MTCL1: variants seen among roughly 807,000 people sequenced by gnomAD.
MTCL1 encodes the protein microtubule cross-linking factor 1.
In MTCL1, 79 loss-of-function variants were observed where a neutral mutation model predicts 141.4. That is an observed-to-expected ratio of 0.56 (90% CI 0.47 to 0.67). MTCL1 has a LOEUF of 0.67. Ranked by LOEUF, MTCL1 falls within the 30% of genes least tolerant of loss-of-function variation. The pLI, the probability that MTCL1 is intolerant of heterozygous loss-of-function variation, is 0.00. For missense variants in MTCL1, 2,177 were observed against 2,113.9 expected (o/e 1.03, Z -0.59); for synonymous variants, 914 against 875.8 (o/e 1.04, Z -0.77).
At chr18:8,781,492 T>C (rs1026160751) in intron 5 of MTCL1, among the ~76,000 whole-genome samples, 58 of 152,196 alleles carry the variant, frequency 3.8e-4, no homozygotes, top group African/African-American at 1.4e-3. Context: ...CATTTATATG[T>C]TATTCTCCTA....
intron 4 of MTCL1, among the ~76,000 whole-genome samples, chr18:8,761,827 C>G (rs146768696): frequency 6.6e-6 from 1 of 152,282 alleles, no homozygotes. Context: ...AGACCTGCCC[C>G]CATGATTCAA....
chr18:8,813,809 G>C (rs1598776586), intron 12 of MTCL1, among the ~76,000 whole-genome samples: 1 of 152,156 alleles, frequency 6.6e-6, no homozygotes, highest in East Asian at 1.9e-4. Flanking sequence ...AAACAATTCA[G>C]AAACTCAGAT....
At position 8,786,300 on chromosome 18, in the gene MTCL1, G is replaced by A. The variant is rs192438330; in HGVS notation, c.1887+209G>A. ...GTGCCTGCGGTGAACTGCTGTGCTC[G>A]TCAGACAGAGGGACAGCTCACTGTA... is the stretch of plus-strand genomic sequence containing the variant. On this transcript the variant is annotated intron_variant, in intron 7 of 16. Coordinates refer to ENST00000359865, the Ensembl canonical transcript of MTCL1. 1,528 of 710,718 alleles carry A rather than the reference G, an allele frequency of 2.1e-3. 10 individuals carry two copies. The highest frequency in any genetic ancestry group is 0.016 in the Middle Eastern group (70 of 4,356). The allele number at this position is 710,718 out of a possible 1,614,324, so 44.0% of individuals were successfully genotyped here.
Position 8,825,463 on chromosome 18 carries a change from G to A in MTCL1, c.3953G>A (p.Gly1318Glu), listed in dbSNP as rs200248938. Reference sequence around the variant, plus strand: ...CAGACCAATGGGTCCCGGACGATGGGGACCCAGACTGTTCAGACCATCAGT... The same window carrying A: ...CAGACCAATGGGTCCCGGACGATGGAGACCCAGACTGTTCAGACCATCAGT... The change falls in exon 15 of 17, where the codon GGG becomes GAG. Residue 1318 changes from glycine (G) to glutamate (E), a missense_variant. Coordinates refer to ENST00000359865, the Ensembl canonical transcript of MTCL1. 2.6e-5 allele frequency: 41 copies of A among 1,600,482 alleles called. No individual in the cohort carries two copies. Among genetic ancestry groups the A allele is most frequent in the Non-Finnish European group, 3.3e-5 (39 of 1,169,930 alleles).
In MTCL1 at chr18:8,705,979, G is replaced by A. The variant is rs992644522; in HGVS notation, c.319G>A (p.Ala107Thr). Residue 107 changes from alanine (A) to threonine (T), a missense_variant, in exon 1 of 14, where the codon GCG becomes ACG. Ala to Thr is a moderately conservative substitution (Grantham distance 58). Coordinates refer to the MTCL1 transcript ENST00000306329. The surrounding 1 kb of genome is among the most constrained non-coding windows in gnomAD (Gnocchi z 5.2). ...TCGGCGCAGTGGCGGCGTCCCGGGC[G>A]CGAAGGACAAGCCCCCGCCGGGCGC... 94 of 1,137,516 alleles carry A rather than the reference G, an allele frequency of 8.3e-5. No homozygotes were observed. Among genetic ancestry groups the A allele is most frequent in the Non-Finnish European group, 2.5e-5 (23 of 929,340 alleles). 70.5% of individuals were successfully genotyped at this position (1,137,516 alleles called of 1,614,324 possible).
At chr18:8,722,763 A>G (rs1313916862) in intron 4 of MTCL1, among the ~76,000 whole-genome samples, 1 of 152,192 alleles carries the variant, frequency 6.6e-6, no homozygotes, top group Admixed American at 6.5e-5. Context: ...CACAGTTCAA[A>G]AGTATGTTGT....
intron 1 of MTCL1, among the ~76,000 whole-genome samples, chr18:8,711,525 A>G (rs1447010026): frequency 2.8e-5 from 4 of 143,680 alleles, no homozygotes; most frequent in South Asian, 4.7e-4. Context: ...AAGTGTTCCT[A>G]TTTCTCCACA....
intron 12 of MTCL1, among the ~76,000 whole-genome samples, chr18:8,814,964 A>G (rs756271524): frequency 1.1e-4 from 16 of 152,244 alleles, no homozygotes; most frequent in Non-Finnish European, 1.9e-4. Flanking sequence ...AGTGACTTAC[A>G]GGAAACAACA....
intron 16 of MTCL1, 39 bp from the exon 15 acceptor site, chr18:8,831,568 C>T (rs1034387711): frequency 5.8e-6 from 9 of 1,541,614 alleles, no homozygotes; most frequent in African/African-American, 1.4e-5. Context: ...GTGACACTGC[C>T]GGTCTGAGTA....
At chr18:8,802,776 C>T (rs1477276573) in intron 10 of MTCL1, among the ~76,000 whole-genome samples, 1 of 152,170 alleles carries the variant, frequency 6.6e-6, no homozygotes, top group Admixed American at 6.5e-5. Flanking sequence ...TTTTATCCTG[C>T]TGCTTTGCTA....
chr18:8,814,489 T>C (rs2076587124), intron 12 of MTCL1, among the ~76,000 whole-genome samples: 1 of 152,248 alleles, frequency 6.6e-6, no homozygotes, highest in African/African-American at 2.4e-5. Context: ...CCTTTCTGGC[T>C]TGGAAATGCA....
At chr18:8,767,938 A>C (rs944262043) in intron 4 of MTCL1, among the ~76,000 whole-genome samples, 1 of 152,218 alleles carries the variant, frequency 6.6e-6, no homozygotes, top group African/African-American at 2.4e-5. Flanking sequence ...TTAAGTATAT[A>C]TTTTTAATCC....
At chr18:8,729,616 G>C (rs944606341) in intron 4 of MTCL1, among the ~76,000 whole-genome samples, 2 of 120,082 alleles carry the variant, frequency 1.7e-5, no homozygotes, top group African/African-American at 3.2e-5. Context: ...TGTTGCTCAG[G>C]CTGTCTCAAA....
chr18:8,831,760 C>T, exon 17 of MTCL1: 2 of 1,550,418 alleles, frequency 1.3e-6, no homozygotes. Context: ...CTTGGAGGAG[C>T]ATGGTGGCGA....
chr18:8,819,370 A>G, intron 13 of MTCL1, 111 bp downstream of exon 12: 2 of 1,113,940 alleles, frequency 1.8e-6, no homozygotes, highest in South Asian at 1.5e-5. Context: ...GCACTTTTGC[A>G]TACAGCAACC....
intron 7 of MTCL1, among the ~76,000 whole-genome samples, chr18:8,792,218 T>C (rs976224987): frequency 2.0e-5 from 3 of 152,382 alleles, no homozygotes; most frequent in Admixed American, 6.5e-5. Flanking sequence ...TACATTTCGA[T>C]GATGCCTGAG....
At chr18:8,807,910 G>A (rs690266) in intron 11 of MTCL1, among the ~76,000 whole-genome samples, 65,633 of 151,400 alleles carry the variant, frequency 0.43, 16,048 homozygotes, top group African/African-American at 0.67. Flanking sequence ...GTAAAATTTT[G>A]TAGGGATTGG....
rs2077171865 is a variant in MTCL1 at position 8,830,825 on chromosome 18, C to T, written c.*19-782C>T. 1 of 985,278 alleles carries T rather than the reference C, an allele frequency of 1.0e-6. No individual in the cohort carries two copies. The allele number at this position is 985,278 out of a possible 1,614,324, so 61.0% of individuals were successfully genotyped here. Reference sequence around the variant, plus strand: ...TTTTGTAACATGTAAGGACAAGGAGCTCAACATTCTTTAAAAACAAAGTAG... The same window carrying T: ...TTTTGTAACATGTAAGGACAAGGAGTTCAACATTCTTTAAAAACAAAGTAG... On this transcript the variant is annotated intron_variant, in intron 16 of 16. Transcript: ENST00000359865. The surrounding 1 kb of genome is among the most constrained non-coding windows in gnomAD (Gnocchi z 6.4).
intron 4 of MTCL1, among the ~76,000 whole-genome samples, chr18:8,742,366 G>A (rs1395576116): frequency 6.6e-6 from 1 of 152,134 alleles, no homozygotes; most frequent in African/African-American, 2.4e-5. Context: ...CTGAGACTGG[G>A]TAATTTATAA....
Sources: allele counts gnomAD v4.1 joint callset (sites outside exome capture counted in the v4.1 genomes callset), GRCh38; gene constraint gnomAD v4.1.1; non-coding constraint Gnocchi (gnomAD v3.1); transcripts MANE v1.5; gene names NCBI Gene and HGNC (gene_info 2026-07-23, HGNC 2026-07-21).